GPATCH11: variants seen among roughly 807,000 people sequenced by gnomAD.
GPATCH11 encodes the protein G patch domain-containing protein 11.
In GPATCH11, 32 loss-of-function variants were observed where a neutral mutation model predicts 44.8. That is an observed-to-expected ratio of 0.71 (90% CI 0.54 to 0.96). The LOEUF (loss-of-function observed/expected upper bound fraction) is 0.96. Among genes scored for constraint, GPATCH11 ranks in the 40% least tolerant of loss-of-function variants. GPATCH11 has a pLI of 0.00. For missense variants in GPATCH11, 324 were observed against 303.1 expected, an observed-to-expected ratio of 1.07 and a Z score of -0.51; for synonymous variants, 84 against 94.4, an observed-to-expected ratio of 0.89 and a Z score of 0.64.
chr2:37,087,198 G>A (rs1262650320), intron 1 of GPATCH11, among the ~76,000 whole-genome samples: 1 of 152,186 alleles, frequency 6.6e-6, no homozygotes, highest in African/African-American at 2.4e-5. Context: ...CCTGGTGCTG[G>A]ACATAGAGTA....
In GPATCH11 at chr2:37,098,948, T is replaced by G. The variant is rs542487834; in HGVS notation, c.*2685T>G. The G allele has an allele frequency of 3.3e-5, 5 of 152,344 alleles. No homozygotes were observed. In the East Asian group the frequency reaches 9.6e-4, roughly 29 times the overall value. The allele number at this position is 152,344 out of a possible 1,614,324, so 9.4% of individuals were successfully genotyped here. Reference sequence around the variant, plus strand: ...AAGTTATTTTTAGGCCTTTTATGACTTTATAAATAGGCAATAATGAACACC... The same window carrying G: ...AAGTTATTTTTAGGCCTTTTATGACGTTATAAATAGGCAATAATGAACACC... On this transcript the variant is annotated 3_prime_UTR_variant, in exon 9 of 9. Coordinates refer to ENST00000674370, the MANE Select transcript of GPATCH11 (RefSeq NM_174931.4).
At position 37,096,691 on chromosome 2, in the gene GPATCH11, A is replaced by G. The variant is rs1673602718; in HGVS notation, c.*428A>G. On this transcript the variant is annotated 3_prime_UTR_variant, in exon 9 of 9. Transcript: ENST00000674370. ...GACTGTAATATTTCTCCCTGATTGG[A>G]GAGAACAGCGGGTCTCTGCCTTGTT... is the stretch of plus-strand genomic sequence containing the variant. 2 of 171,850 alleles carry G rather than the reference A, an allele frequency of 1.2e-5. No homozygotes were observed. Among genetic ancestry groups the G allele is most frequent in the South Asian group, 1.4e-4 (1 of 7,138 alleles). 10.6% of individuals were successfully genotyped at this position (171,850 alleles called of 1,614,324 possible). A position where few individuals can be genotyped will look rare whatever the true frequency, so the allele number is the denominator to read the frequency against.
intron 3 of GPATCH11, among the ~76,000 whole-genome samples, chr2:37,090,314 A>C (rs6738282): frequency 0.32 from 48,759 of 152,148 alleles, 8,673 homozygotes; most frequent in Admixed American, 0.43. Flanking sequence ...GAAACTGCTT[A>C]TTAAGCTAGA....
rs114968755 is a variant in GPATCH11, at chr2:37,093,611, A to G, written c.541-471A>G. ...TCAGAAGGAACTTAAAGACAACTGC[A>G]CAATTCTAAAGAATTGGACTTTGCA... On this transcript the variant is annotated intron_variant, in intron 6 of 8. Transcript: ENST00000674370. 2.5e-3 allele frequency among the ~76,000 whole-genome samples: 385 copies of G among 152,314 alleles called. 4 individuals carry two copies. Among genetic ancestry groups the G allele is most frequent in the African/African-American group, 8.7e-3 (360 of 41,562 alleles).
Position 37,096,202 on chromosome 2 carries a change from T to A in GPATCH11, c.737-6T>A, listed in dbSNP as rs1325247506. On this transcript the variant is annotated splice_polypyrimidine_tract_variant and splice_region_variant and intron_variant, in intron 8 of 8. Coordinates refer to ENST00000674370, the MANE Select transcript of GPATCH11 (RefSeq NM_174931.4). ...TAATCTTTCATTTCCCTCACATAAC[T>A]TACAGATAAAGAAGACCTATCTTCA... The A allele has an allele frequency of 6.5e-7, 1 of 1,546,558 alleles. No individual in the cohort carries two copies. The highest frequency in any genetic ancestry group is 8.8e-7 in the Non-Finnish European group (1 of 1,134,300).
At chr2:37,091,884 A>C (rs955329715) in intron 4 of GPATCH11, 32 bp from the exon 5 acceptor site, 1 of 1,597,664 alleles carries the variant, frequency 6.3e-7, no homozygotes, top group Non-Finnish European at 8.5e-7. Flanking sequence ...CAAAGTCAGG[A>C]TGTTTCTCAT....
At position 37,096,265 on chromosome 2, in the gene GPATCH11, A is replaced by G. The variant is rs1352542897; in HGVS notation, c.*2A>G. The G allele has an allele frequency of 1.9e-6, 3 of 1,565,328 alleles. No individual in the cohort carries two copies. ...CCAACTTCTGCAGATCATGACTAAG[A>G]TTATTCCCAATAAAGTGGAAACTTG... On this transcript the variant is annotated 3_prime_UTR_variant, in exon 9 of 9. Coordinates refer to ENST00000674370, the MANE Select transcript of GPATCH11 (RefSeq NM_174931.4).
chr2:37,099,024 A>G lies in GPATCH11; in HGVS notation c.*2761A>G, dbSNP rs1391568914. On this transcript the variant is annotated 3_prime_UTR_variant, in exon 9 of 9. Transcript: ENST00000674370. ...TTTTAAAATTTGTTGTAGAACATTA[A>G]TACGAAATTTGAAACTGCAAAACAA... The G allele has an allele frequency of 6.6e-6, 1 of 152,232 alleles. No individual in the cohort carries two copies. The highest frequency in any genetic ancestry group is 1.5e-5 in the Non-Finnish European group (1 of 68,044). The allele number at this position is 152,232 out of a possible 1,614,324, so 9.4% of individuals were successfully genotyped here.
At position 37,093,934 on chromosome 2, in the gene GPATCH11, C is replaced by T. The variant is rs1374226381; in HGVS notation, c.541-148C>T. 1.2e-5 allele frequency: 7 copies of T among 566,722 alleles called. No homozygotes were observed. The East Asian group carries it at 1.3e-4, about 10-fold the overall frequency. The allele number at this position is 566,722 out of a possible 1,614,324, so 35.1% of individuals were successfully genotyped here. A position where few individuals can be genotyped will look rare whatever the true frequency, so the allele number is the denominator to read the frequency against. ...CCTCCCAAAGTGCTGGGATTGCAGG[C>T]GTGAGCCACCGTGCCCGGCCAGTGT... is the stretch of plus-strand genomic sequence containing the variant. On this transcript the variant is annotated intron_variant, in intron 6 of 8. Transcript: ENST00000674370.
At chr2:37,095,138 A>T (rs1673511377) in intron 7 of GPATCH11, among the ~76,000 whole-genome samples, 1 of 152,190 alleles carries the variant, frequency 6.6e-6, no homozygotes, top group Non-Finnish European at 1.5e-5. Flanking sequence ...GGGGAGGTAA[A>T]TGCCTTGAAA....
At chr2:37,095,707 A>G (rs973858884) in intron 8 of GPATCH11, among the ~76,000 whole-genome samples, 189 bp downstream of exon 8, 1 of 152,188 alleles carries the variant, frequency 6.6e-6, no homozygotes, top group Non-Finnish European at 1.5e-5. Flanking sequence ...CAGAAACTGA[A>G]TGTGTGGAAG....
Position 37,096,374 on chromosome 2 carries a change from T to G in GPATCH11, c.*111T>G. 2 of 678,512 alleles carry G rather than the reference T, an allele frequency of 2.9e-6. No homozygotes were observed. Among genetic ancestry groups the G allele is most frequent in the Non-Finnish European group, 5.2e-6 (2 of 386,690 alleles). 42.0% of individuals were successfully genotyped at this position (678,512 alleles called of 1,614,324 possible). ...TATGCCAGTAAAGAAAGGGGGACTT[T>G]ATATAATGTTTTGTTCTTTTTGTAC... On this transcript the variant is annotated 3_prime_UTR_variant, in exon 9 of 9. Coordinates refer to ENST00000674370, the MANE Select transcript of GPATCH11 (RefSeq NM_174931.4).
chr2:37,089,052 C>T (rs1178279508), intron 2 of GPATCH11, among the ~76,000 whole-genome samples: 2 of 152,088 alleles, frequency 1.3e-5, no homozygotes, highest in African/African-American at 4.8e-5. Flanking sequence ...TTTATTATTG[C>T]CAACATCCTA....
At chr2:37,093,965 C>T in intron 6 of GPATCH11, 117 bp from the exon 7 acceptor site, 1 of 706,140 alleles carries the variant, frequency 1.4e-6, no homozygotes, top group Non-Finnish European at 2.5e-6. Context: ...AGTGTTTTTA[C>T]TCTTAAAGCC....
At position 37,098,355 on chromosome 2, in the gene GPATCH11, T is replaced by C. The variant is rs1194969091; in HGVS notation, c.*2092T>C. 1.6e-4 allele frequency: 8 copies of C among 49,724 alleles called. No individual in the cohort carries two copies. The highest frequency in any genetic ancestry group is 3.6e-4 in the Non-Finnish European group (6 of 16,854). The allele number at this position is 49,724 out of a possible 1,614,324, so 3.1% of individuals were successfully genotyped here. A position where few individuals can be genotyped will look rare whatever the true frequency, so the allele number is the denominator to read the frequency against. On this transcript the variant is annotated 3_prime_UTR_variant, in exon 9 of 9. Transcript: ENST00000674370. ...AAAATTATATATATATATGTATGTA[T>C]ATATATATATATATAGAGAGAGAGA...
chr2:37,088,526 AT>A, intron 2 of GPATCH11, 86 bp downstream of exon 2: 16 of 734,560 alleles, frequency 2.2e-5, no homozygotes, highest in African/African-American at 3.6e-5. Flanking sequence ...ATTTTATTTT[AT>A]TTTTTTGAGA....
At position 37,098,373 on chromosome 2, in the gene GPATCH11, G is replaced by GAC. The variant is rs1558400375; in HGVS notation, c.*2111_*2112insCA. The GAC allele has an allele frequency of 1.4e-5, 2 of 147,834 alleles. No homozygotes were observed. Among genetic ancestry groups the GAC allele is most frequent in the Admixed American group, 1.4e-4 (2 of 14,788 alleles). 9.2% of individuals were successfully genotyped at this position (147,834 alleles called of 1,614,324 possible). ...GTATGTATATATATATATATATAGA[G>GAC]AGAGAGAGAGAGAGAGAGCTATTAA... On this transcript the variant is annotated 3_prime_UTR_variant, in exon 9 of 9. Transcript: ENST00000674370.
At position 37,094,404 on chromosome 2, in the gene GPATCH11, A is replaced by T; in HGVS notation, c.654+209A>T. ...GACATTGCTAAATGTCCCCGAGGGG[A>T]AAAATAACCCCTGGTTGAGAGGTAC... On this transcript the variant is annotated intron_variant, in intron 7 of 8. Transcript: ENST00000674370. The T allele has an allele frequency of 6.9e-6, 3 of 432,622 alleles. No homozygotes were observed. The South Asian group carries it at 9.3e-5, about 13-fold the overall frequency. 26.8% of individuals were successfully genotyped at this position (432,622 alleles called of 1,614,324 possible).
chr2:37,092,422 T>C (rs1673377726), intron 6 of GPATCH11, among the ~76,000 whole-genome samples, 167 bp downstream of exon 6: 1 of 146,254 alleles, frequency 6.8e-6, no homozygotes, highest in African/African-American at 2.5e-5. Flanking sequence ...CATATATATT[T>C]ATATATTTTT....
Sources: gnomAD v4.1 joint callset for allele counts (sites outside exome capture counted in the v4.1 genomes callset) on GRCh38, gnomAD v4.1.1 for gene constraint, MANE v1.5 for transcripts, NCBI Gene and HGNC (gene_info 2026-07-23, HGNC 2026-07-21) for gene names.